Variants in NFIA observed in about 807,000 individuals in gnomAD.
NFIA encodes nuclear factor 1 A-type.
NFIA carries 8 observed loss-of-function variants against 62.8 expected under a neutral mutation model. The observed-to-expected ratio is 0.13, with a 90% confidence interval of 0.07 to 0.23. The LOEUF is 0.23. Among genes scored for constraint, NFIA ranks in the 10% least tolerant of loss-of-function variants. The pLI is 1.00. For missense variants in NFIA, 410 were observed against 642.1 expected, an observed-to-expected ratio of 0.64 and a Z score of 3.91; for synonymous variants, 235 against 238.1, an observed-to-expected ratio of 0.99 and a Z score of 0.12.
intron 3 of NFIA, 79 bp downstream of exon 3, chr1:61,277,664 G>GGT (rs1657889318): frequency 2.1e-6 from 3 of 1,449,990 alleles, no homozygotes; most frequent in Non-Finnish European, 2.9e-6. Flanking sequence ...GAGGATTTGG[G>GGT]GGCCTACCCT....
chr1:61,147,307 T>C (rs1648082735), intron 2 of NFIA, among the ~76,000 whole-genome samples: 1 of 152,190 alleles, frequency 6.6e-6, no homozygotes. Flanking sequence ...GGCACCACCA[T>C]GCCTGGCTAA....
intron 2 of NFIA, among the ~76,000 whole-genome samples, chr1:61,225,691 A>C (rs907632693): frequency 6.6e-6 from 1 of 151,728 alleles, no homozygotes; most frequent in African/African-American, 2.4e-5. Flanking sequence ...AGCACAAATG[A>C]TTCCTTTTCT....
At chr1:61,402,928 G>GAA (rs1665643229) in intron 7 of NFIA, among the ~76,000 whole-genome samples, 6 of 152,174 alleles carry the variant, frequency 3.9e-5, no homozygotes, top group South Asian at 2.1e-4. Context: ...AAGAACCTAT[G>GAA]CCCAGCAACT....
rs541801211 is a variant in NFIA, at chr1:61,250,506, C to T, written c.560-27014C>T. On this transcript the variant is annotated intron_variant, in intron 2 of 10. Coordinates refer to ENST00000403491, the MANE Select transcript of NFIA (RefSeq NM_001134673.4). Reference sequence around the variant, plus strand: ...TCCATATGATCTACATGGTATGTGTCATGAATATAATTTCTGTATGATTGG... The same window carrying T: ...TCCATATGATCTACATGGTATGTGTTATGAATATAATTTCTGTATGATTGG... Among the ~76,000 whole-genome samples the T allele has an allele frequency of 2.6e-5, 4 of 152,262 alleles. No individual in the cohort carries two copies. The South Asian group carries it at 8.3e-4, about 32-fold the overall frequency.
At chr1:61,385,747 C>T (rs1308928919) in intron 7 of NFIA, 1 of 152,148 alleles carries the variant, frequency 6.6e-6, no homozygotes, top group Non-Finnish European at 1.5e-5. Flanking sequence ...GAGTGGACCT[C>T]CTTAGCTCAC....
At chr1:61,396,402 A>G (rs1182672440) in intron 7 of NFIA, among the ~76,000 whole-genome samples, 1 of 151,914 alleles carries the variant, frequency 6.6e-6, no homozygotes, top group Non-Finnish European at 1.5e-5. Context: ...CTGCCACCAC[A>G]CCTGGCTACA....
chr1:61,184,599 A>C (rs976668192), intron 2 of NFIA, among the ~76,000 whole-genome samples: 1 of 152,264 alleles, frequency 6.6e-6, no homozygotes, highest in Non-Finnish European at 1.5e-5. Context: ...TTCTCTGCTG[A>C]GAAACTGGTG....
At chr1:61,341,871 C>A (rs947227362) in intron 4 of NFIA, among the ~76,000 whole-genome samples, 3 of 152,196 alleles carry the variant, frequency 2.0e-5, no homozygotes, top group Non-Finnish European at 4.4e-5. Flanking sequence ...CACTGAAAAA[C>A]TAGAAGGGGT....
At chr1:61,420,647 A>G (rs1256575940) in intron 9 of NFIA, among the ~76,000 whole-genome samples, 3 of 152,200 alleles carry the variant, frequency 2.0e-5, no homozygotes, top group African/African-American at 7.2e-5. Flanking sequence ...TAGTAAGCCT[A>G]TTTTGAATAA....
intron 2 of NFIA, among the ~76,000 whole-genome samples, chr1:61,275,866 ATTGT>A (rs1228164599): frequency 6.6e-6 from 1 of 152,056 alleles, no homozygotes; most frequent in East Asian, 1.9e-4. Context: ...GTATTTTTTA[ATTGT>A]TTGTGATATA....
At chr1:61,399,422 T>C (rs2100513621) in intron 7 of NFIA, among the ~76,000 whole-genome samples, 1 of 152,346 alleles carries the variant, frequency 6.6e-6, no homozygotes, top group African/African-American at 2.4e-5. Context: ...ATTTAAAGGC[T>C]GATGCCAGAA....
intron 2 of NFIA, among the ~76,000 whole-genome samples, chr1:61,235,419 C>T (rs1465934963): frequency 7.3e-5 from 11 of 150,126 alleles, no homozygotes; most frequent in Admixed American, 6.6e-5. Flanking sequence ...GCCGAGATGG[C>T]GCCACTGCAC....
rs1465888838 is a variant in NFIA at position 61,455,377 on chromosome 1, T to C, written c.*57T>C. 6.2e-7 allele frequency: 1 copy of C among 1,613,982 alleles called. No homozygotes were observed. On this transcript the variant is annotated 3_prime_UTR_variant, in exon 11 of 11. Transcript: ENST00000403491. ...ACCACCTGACCCCTTCTCAACTCTGTAACATGGACGCAACCTCAACCCAGC... is the reference window on the plus strand; with the variant it reads ...ACCACCTGACCCCTTCTCAACTCTGCAACATGGACGCAACCTCAACCCAGC...
At chr1:61,119,311 AG>A (rs1460773461) in intron 2 of NFIA, among the ~76,000 whole-genome samples, 1 of 152,194 alleles carries the variant, frequency 6.6e-6, no homozygotes, top group Non-Finnish European at 1.5e-5. Flanking sequence ...CTTTGTTACC[AG>A]GTCCACATAA....
At chr1:61,394,114 AC>A (rs1411606259) in intron 7 of NFIA, among the ~76,000 whole-genome samples, 1 of 152,188 alleles carries the variant, frequency 6.6e-6, no homozygotes, top group Non-Finnish European at 1.5e-5. Context: ...TGAATGAGGC[AC>A]CTGTGTACAT....
intron 9 of NFIA, among the ~76,000 whole-genome samples, chr1:61,425,766 G>A (rs1438163558): frequency 6.6e-6 from 1 of 152,176 alleles, no homozygotes; most frequent in East Asian, 1.9e-4. Flanking sequence ...ACTGAAGTGT[G>A]GTACCTGAGG....
chr1:61,442,628 T>G (rs996481612), intron 10 of NFIA, among the ~76,000 whole-genome samples: 1 of 150,962 alleles, frequency 6.6e-6, no homozygotes, highest in African/African-American at 2.4e-5. Flanking sequence ...CAGCCCTTAT[T>G]GGCAGGGGTC....
At chr1:61,148,023 G>A (rs939169629) in intron 2 of NFIA, among the ~76,000 whole-genome samples, 6 of 152,114 alleles carry the variant, frequency 3.9e-5, no homozygotes, top group African/African-American at 1.4e-4. Context: ...AGCAAGGGGT[G>A]TTTTCTTGTA....
intron 2 of NFIA, among the ~76,000 whole-genome samples, chr1:61,138,466 C>T (rs1372172204): frequency 6.6e-6 from 1 of 152,126 alleles, no homozygotes; most frequent in African/African-American, 2.4e-5. Context: ...GACCCCACCA[C>T]CCTTAGAGGT....
Sources: allele counts gnomAD v4.1 joint callset (sites outside exome capture counted in the v4.1 genomes callset), GRCh38; gene constraint gnomAD v4.1.1; transcripts MANE v1.5; gene names NCBI Gene and HGNC (gene_info 2026-07-23, HGNC 2026-07-21).